The following SLC43A3 variants were observed in gnomAD, a reference collection of about 807,000 sequenced individuals.
SLC43A3 encodes the protein equilibrative nucleobase transporter 1.
A neutral mutation model predicts 53.3 loss-of-function variants in SLC43A3; 33 were observed. The observed-to-expected ratio is 0.62, with a 90% confidence interval of 0.47 to 0.83. The LOEUF (loss-of-function observed/expected upper bound fraction) is 0.83. Among genes scored for constraint, SLC43A3 ranks in the 40% least tolerant of loss-of-function variants. The pLI is 0.00. For missense variants in SLC43A3, 530 were observed against 610.0 expected (o/e 0.87, Z 1.38); for synonymous variants, 236 against 246.2 (o/e 0.96, Z 0.39).
intron 7 of SLC43A3, among the ~76,000 whole-genome samples, chr11:57,420,252 C>T (rs1258378174): frequency 6.6e-6 from 1 of 152,224 alleles, no homozygotes; most frequent in African/African-American, 2.4e-5. Context: ...TTTGTTTTTA[C>T]TCTGCTTTCA....
rs753483454 is a variant in SLC43A3, at chr11:57,421,082, A to G, written c.439-18T>C. 6.4e-7 allele frequency: 1 copy of G among 1,552,670 alleles called. No individual in the cohort carries two copies. The highest frequency in any genetic ancestry group is 2.2e-5 in the East Asian group (1 of 44,588). On this transcript the variant is annotated intron_variant, in intron 6 of 13. Coordinates refer to ENST00000395124, the MANE Select transcript of SLC43A3 (RefSeq NM_199329.3). ...TTCCCAATCTGGGGATGATAGGACT[A>G]GCCTGGATCACTTATTTATTCATGA...
intron 9 of SLC43A3, chr11:57,415,522 A>G (rs931581348): frequency 6.3e-6 from 4 of 635,622 alleles, no homozygotes; most frequent in African/African-American, 5.7e-5. Flanking sequence ...TGATACCAGT[A>G]TCCTGAGTTT....
rs1239319096 is a variant in SLC43A3, at chr11:57,426,041, C to G, written c.132G>C (p.Lys44Asn). 1 of 1,614,150 alleles carries G rather than the reference C, an allele frequency of 6.2e-7. No homozygotes were observed. The highest frequency in any genetic ancestry group is 8.5e-7 in the Non-Finnish European group (1 of 1,180,054). Residue 44 changes from lysine (K) to asparagine (N), a missense_variant, in exon 3 of 14, where the codon AAG (lysine) becomes AAC (asparagine). By Grantham distance (94) the Lys-to-Asn change is moderately conservative (BLOSUM62 0). Around this residue, in one of 3 missense-constraint regions of SLC43A3, gnomAD observed 30 missense variants for 57.0 expected, o/e 0.53. Transcript: ENST00000395124. ...GCCCAGCATCTGGTCCACACAGATCCTTAAAGTAATCTTCATTCTTGAAGA... is the reference window on the plus strand; with the variant it reads ...GCCCAGCATCTGGTCCACACAGATCGTTAAAGTAATCTTCATTCTTGAAGA... ...VFVFKNEDYF[K>N]DLCGPDAGPI...
At chr11:57,425,010 C>T (rs571965133) in intron 4 of SLC43A3, among the ~76,000 whole-genome samples, 1 of 152,198 alleles carries the variant, frequency 6.6e-6, no homozygotes, top group Non-Finnish European at 1.5e-5. Context: ...CCCCTCCAGT[C>T]AGAAGGGACC....
rs1942254348 is a variant in SLC43A3, at chr11:57,407,198, T to C, written c.*594A>G. The C allele has an allele frequency of 1.3e-5, 2 of 152,330 alleles. No homozygotes were observed. Among genetic ancestry groups the C allele is most frequent in the Admixed American group, 6.5e-5 (1 of 15,314 alleles). 9.4% of individuals were successfully genotyped at this position (152,330 alleles called of 1,614,324 possible). On this transcript the variant is annotated 3_prime_UTR_variant, in exon 14 of 14. Transcript: ENST00000395124. ...GAAGAACTTTCAACACCAAAATTCA[T>C]CTCAATTTTACAGATGGGAAAAGTG... is the stretch of plus-strand genomic sequence containing the variant.
chr11:57,411,514 A>T (rs1016384350), intron 11 of SLC43A3, among the ~76,000 whole-genome samples: 1 of 149,168 alleles, frequency 6.7e-6, no homozygotes, highest in Admixed American at 6.7e-5. Context: ...AATTATTTTA[A>T]ATTAGCCAGA....
chr11:57,412,879 T>C (rs1942544367), intron 11 of SLC43A3, among the ~76,000 whole-genome samples: 1 of 151,778 alleles, frequency 6.6e-6, no homozygotes, highest in Non-Finnish European at 1.5e-5. Flanking sequence ...TAGGCATTGA[T>C]CATTAATGGC....
At chr11:57,414,292 C>T (rs980463551) in intron 11 of SLC43A3, among the ~76,000 whole-genome samples, 1 of 152,116 alleles carries the variant, frequency 6.6e-6, no homozygotes, top group African/African-American at 2.4e-5. Context: ...GGGCAGATCA[C>T]CCGAGGTCAG....
Position 57,417,772 on chromosome 11 carries a change from G to A in SLC43A3, c.647C>T (p.Pro216Leu). The stretch of plus-strand genomic sequence containing the variant: ...CCCATAGCTGTAGTTGGGGGGCAGT[G>A]GGTATGGGATGTGCCCCCGGGGCAT... ...LLMPRGHIPY[P>L]LPPNYSYGLC... Residue 216 changes from proline (P) to leucine (L), a missense_variant, in exon 8 of 14, where the codon CCA (proline) becomes CTA (leucine). Transcript: ENST00000395124. 1.1e-5 allele frequency: 17 copies of A among 1,614,150 alleles called. No homozygotes were observed. Among genetic ancestry groups the A allele is most frequent in the African/African-American group, 1.3e-5 (1 of 75,050 alleles).
chr11:57,410,860 G>A (rs919393673), intron 11 of SLC43A3, among the ~76,000 whole-genome samples: 4 of 152,116 alleles, frequency 2.6e-5, no homozygotes, highest in East Asian at 3.9e-4. Flanking sequence ...TAAATCTCAC[G>A]AGATCTGATG....
chr11:57,409,619 T>C (rs1228777946), intron 12 of SLC43A3, among the ~76,000 whole-genome samples: 1 of 152,272 alleles, frequency 6.6e-6, no homozygotes, highest in Non-Finnish European at 1.5e-5. Flanking sequence ...ACTAGAGTAC[T>C]AAGGGCACAA....
chr11:57,410,235 A>G (rs1942390768), intron 11 of SLC43A3, 114 bp from the exon 12 acceptor site: 1 of 817,646 alleles, frequency 1.2e-6, no homozygotes, highest in Non-Finnish European at 1.9e-6. Context: ...CACTGTCCCA[A>G]CAGAAACCTG....
At chr11:57,409,803 C>T in intron 12 of SLC43A3, 132 bp downstream of exon 12, 2 of 817,826 alleles carry the variant, frequency 2.4e-6, no homozygotes, top group South Asian at 1.9e-5. Flanking sequence ...ACCCCCTCCA[C>T]ACCTGCCCCC....
rs1942250874 is a variant in SLC43A3, at chr11:57,406,997, CGAGA to C, written c.*791_*794del. On this transcript the variant is annotated 3_prime_UTR_variant, in exon 14 of 14. Coordinates refer to ENST00000395124, the MANE Select transcript of SLC43A3 (RefSeq NM_199329.3). ...CTTTATTTTTCTATAAAATTATTCC[CGAGA>C]GAAATTTTCTTTTAAATGCCCAAAG... 6.6e-6 allele frequency: 1 copy of C among 152,084 alleles called. No homozygotes were observed. The highest frequency in any genetic ancestry group is 1.5e-5 in the Non-Finnish European group (1 of 68,036). 9.4% of individuals were successfully genotyped at this position (152,084 alleles called of 1,614,324 possible).
Position 57,415,439 on chromosome 11 carries a change from G to A in SLC43A3, c.770-333C>T, listed in dbSNP as rs750892514. ...GGTGAAAGGAACGACAAGGAGAGGA[G>A]AAAGTCAGAAGGGAGAGGAGAATGA... On this transcript the variant is annotated intron_variant, in intron 9 of 13. Transcript: ENST00000395124. 9.1e-6 allele frequency: 12 copies of A among 1,322,154 alleles called. No homozygotes were observed. In the South Asian group the frequency reaches 1.4e-4, roughly 15 times the overall value. The allele number at this position is 1,322,154 out of a possible 1,614,324, so 81.9% of individuals were successfully genotyped here.
chr11:57,409,315 G>C lies in SLC43A3; in HGVS notation c.1248-17C>G. The C allele has an allele frequency of 6.2e-7, 1 of 1,614,030 alleles. No homozygotes were observed. The highest frequency in any genetic ancestry group is 1.1e-5 in the South Asian group (1 of 91,076). The stretch of plus-strand genomic sequence containing the variant: ...GAAGGGAAACTGGGGAGAGAAACCA[G>C]AGGGGTTCCAGTGAGCTTCAGGGAC... On this transcript the variant is annotated splice_polypyrimidine_tract_variant and intron_variant, in intron 12 of 13. Coordinates refer to ENST00000395124, the MANE Select transcript of SLC43A3 (RefSeq NM_199329.3).
rs567601730 is a variant in SLC43A3, at chr11:57,409,827, C to T, written c.1247+108G>A. Reference sequence around the variant, plus strand: ...ACACCTGCCCCCAAACCCAGTCTCCCGCACCTGACTGCCTCCAGGCCCCGC... The same window carrying T: ...ACACCTGCCCCCAAACCCAGTCTCCTGCACCTGACTGCCTCCAGGCCCCGC... On this transcript the variant is annotated intron_variant, in intron 12 of 13. Transcript: ENST00000395124. 6.5e-6 allele frequency: 7 copies of T among 1,084,432 alleles called. 1 individual carries two copies. In the South Asian group the frequency reaches 6.6e-5, roughly 10 times the overall value. 67.2% of individuals were successfully genotyped at this position (1,084,432 alleles called of 1,614,324 possible). A position where few individuals can be genotyped will look rare whatever the true frequency, so the allele number is the denominator to read the frequency against.
At chr11:57,415,163 G>C (rs1942660269) in intron 9 of SLC43A3, 57 bp from the exon 10 acceptor site, 1 of 1,584,730 alleles carries the variant, frequency 6.3e-7, no homozygotes, top group Non-Finnish European at 8.6e-7. Context: ...CAGGTAGGAT[G>C]GGGAGTGTGG....
chr11:57,407,631 T>C lies in SLC43A3; in HGVS notation c.*161A>G, dbSNP rs924442220. On this transcript the variant is annotated 3_prime_UTR_variant, in exon 14 of 14. Transcript: ENST00000395124. ...ATCTGCTTGGCAACTGAGATTCTTT[T>C]CTTGCTGCGCAGACGTCCTTGTGTG... 1.7e-6 allele frequency: 1 copy of C among 572,496 alleles called. No homozygotes were observed. Among genetic ancestry groups the C allele is most frequent in the South Asian group, 2.2e-5 (1 of 45,882 alleles). The allele number at this position is 572,496 out of a possible 1,614,324, so 35.5% of individuals were successfully genotyped here.
Sources: allele counts gnomAD v4.1 joint callset (sites outside exome capture counted in the v4.1 genomes callset), GRCh38; gene constraint gnomAD v4.1.1; regional missense constraint gnomAD v4.1.1; transcripts MANE v1.5; gene names NCBI Gene and HGNC (gene_info 2026-07-23, HGNC 2026-07-21).